Variants in AKAP8 observed in about 807,000 individuals in gnomAD.
AKAP8 encodes A-kinase anchoring protein 8.
AKAP8 carries 24 observed loss-of-function variants against 67.5 expected under a neutral mutation model. The observed-to-expected ratio is 0.36, with a 90% CI of 0.26 to 0.50. AKAP8 has a LOEUF of 0.50. Ranked by LOEUF, AKAP8 falls within the 20% of genes least tolerant of loss-of-function variation. The pLI is 0.97. For missense variants in AKAP8, 971 were observed against 955.9 expected, an observed-to-expected ratio of 1.02 and a Z score of -0.21; for synonymous variants, 400 against 371.1, an observed-to-expected ratio of 1.08 and a Z score of -0.90.
chr19:15,361,729 C>G lies in AKAP8; in HGVS notation c.1396G>C (p.Gly466Arg). The G allele has an allele frequency of 6.2e-7, 1 of 1,610,814 alleles. No homozygotes were observed. Among genetic ancestry groups the G allele is most frequent in the Non-Finnish European group, 8.5e-7 (1 of 1,176,938 alleles). The change falls in exon 11 of 14, where the codon GGG becomes CGG. Residue 466 changes from glycine (G) to arginine (R), a missense_variant and splice_region_variant. Physicochemically the swap from Gly to Arg is moderately radical, Grantham distance 125 (BLOSUM62 -2). Around this residue, in one of 3 missense-constraint regions of AKAP8, gnomAD observed 763 missense variants for 745.4 expected, o/e 1.02. Coordinates refer to ENST00000269701, the MANE Select transcript of AKAP8 (RefSeq NM_005858.4). ...TAKPKPDPFKGIGQEHFFKKI... is the reference protein window; with the variant it reads ...TAKPKPDPFKRIGQEHFFKKI... ...CACTCATCCTGGGATGACAACTCAC[C>G]TTTGAAAGGATCTGGTTTTGGTTTT...
chr19:15,368,880 G>A (rs1023822843), intron 8 of AKAP8: 2 of 985,166 alleles, frequency 2.0e-6, no homozygotes, highest in Admixed American at 6.2e-5. Flanking sequence ...TCAATCTAGG[G>A]CTTTCCCAGG....
Position 15,354,931 on chromosome 19 carries a change from G to C in AKAP8, c.2063C>G (p.Ala688Gly), listed in dbSNP as rs758673111. The change falls in exon 14 of 14, where the codon GCT becomes GGT. Residue 688 changes from alanine (A) to glycine (G), a missense_variant. By Grantham distance (60) the Ala-to-Gly change is moderately conservative. Transcript: ENST00000269701. ...VEQTDAESKD[A>G]VPTE Reference sequence around the variant, plus strand: ...AAATGAGCATCATTCTGTGGGAACAGCGTCTTTAGACTCTGCATCAGTTTG... The same window carrying C: ...AAATGAGCATCATTCTGTGGGAACACCGTCTTTAGACTCTGCATCAGTTTG... 1.2e-6 allele frequency: 2 copies of C among 1,613,856 alleles called. No individual in the cohort carries two copies. Among genetic ancestry groups the C allele is most frequent in the South Asian group, 2.2e-5 (2 of 91,088 alleles).
At chr19:15,365,178 A>G (rs1307786109) in intron 9 of AKAP8, among the ~76,000 whole-genome samples, 6 of 152,188 alleles carry the variant, frequency 3.9e-5, no homozygotes, top group Admixed American at 6.6e-5. Flanking sequence ...CTAGCTTCAC[A>G]GCTTCTCAGA....
At chr19:15,361,068 A>C in intron 11 of AKAP8, 90 bp from the exon 12 acceptor site, 1 of 1,497,258 alleles carries the variant, frequency 6.7e-7, no homozygotes, top group Non-Finnish European at 9.0e-7. Flanking sequence ...TCTCCCTGCA[A>C]CTCTAAGGAA....
chr19:15,368,294 C>T lies in AKAP8; in HGVS notation c.1101G>A (p.Val367=), dbSNP rs753952431. 17 of 1,613,668 alleles carry T rather than the reference C, an allele frequency of 1.1e-5. No individual in the cohort carries two copies. The Admixed American group carries it at 1.2e-4, about 11-fold the overall frequency. ...RGEKEDEDED[V]KKRREKQRRR... is the part of the protein sequence containing the mutation. ...TCCTTTGCTTTTCCCTTCTCTTCTT[C>T]ACATCCTCGTCCTCGTCCTCCTTCT... The change falls in exon 9 of 14, where the codon GTG becomes GTA. Residue 367 remains valine (V), a synonymous_variant. Transcript: ENST00000269701.
In AKAP8 at chr19:15,355,048, G is replaced by C. The variant is rs1214709424; in HGVS notation, c.1946C>G (p.Ala649Gly). Residue 649 changes from alanine to glycine, a missense_variant, in exon 14 of 14, where the codon GCT becomes GGT. Physicochemically the swap from Ala to Gly is moderately conservative, Grantham distance 60 (BLOSUM62 0). Around this residue, in one of 3 missense-constraint regions of AKAP8, gnomAD observed 204 missense variants for 193.0 expected, o/e 1.06. Transcript: ENST00000269701. ...TGCCATTGTCTCGGCGCCATTTCCA[G>C]CCTCTGCAGCCTCACTTCTGGCCTT... ...VPKARSEAAE[A>G]GNGAETMAAE... The C allele has an allele frequency of 1.9e-6, 3 of 1,614,098 alleles. No individual in the cohort carries two copies. In the South Asian group the frequency reaches 3.3e-5, roughly 18 times the overall value.
At chr19:15,373,398 C>T (rs1967196987) in intron 4 of AKAP8, 58 bp from the exon 5 acceptor site, 2 of 1,538,176 alleles carry the variant, frequency 1.3e-6, no homozygotes, top group Non-Finnish European at 1.7e-6. Context: ...CTGCCACACT[C>T]CCTCAGTATA....
intron 1 of AKAP8, among the ~76,000 whole-genome samples, chr19:15,378,675 C>A (rs186163634): frequency 3.7e-4 from 57 of 152,310 alleles, no homozygotes; most frequent in African/African-American, 1.3e-3. Flanking sequence ...TTTTGCCCTG[C>A]CACTTCTCAA....
Position 15,354,644 on chromosome 19 carries a change from A to G in AKAP8, c.*271T>C, listed in dbSNP as rs534316385. 155 of 484,300 alleles carry G rather than the reference A, an allele frequency of 3.2e-4. 1 individual carries two copies. Among genetic ancestry groups the G allele is most frequent in the African/African-American group, 2.7e-3 (142 of 52,450 alleles). The allele number at this position is 484,300 out of a possible 1,614,324, so 30.0% of individuals were successfully genotyped here. ...TGTATCATCAAGATATAATCACCCA[A>G]CCTTTATTATTCCAAGTGCACTACT... On this transcript the variant is annotated 3_prime_UTR_variant, in exon 14 of 14. Transcript: ENST00000269701.
At chr19:15,370,429 A>T (rs965223563) in intron 7 of AKAP8, among the ~76,000 whole-genome samples, 1 of 150,708 alleles carries the variant, frequency 6.6e-6, no homozygotes, top group African/African-American at 2.4e-5. Flanking sequence ...CCATTCACCC[A>T]CCCTCTCTCG....
intron 1 of AKAP8, among the ~76,000 whole-genome samples, chr19:15,378,031 T>C (rs376706729): frequency 1.3e-5 from 2 of 152,062 alleles, no homozygotes; most frequent in African/African-American, 4.8e-5. Context: ...CATATCCATG[T>C]CTCCCTCACC....
In AKAP8 at chr19:15,373,052, C is replaced by T. The variant is rs568239312; in HGVS notation, c.660G>A (p.Leu220=). The T allele has an allele frequency of 5.6e-4, 895 of 1,604,138 alleles. 9 individuals are homozygous for T. The South Asian group carries it at 9.4e-3, about 17-fold the overall frequency. The change falls in exon 5 of 14, where the codon CTG becomes CTA. Residue 220 remains leucine (L), a synonymous_variant. Transcript: ENST00000269701. ...AGTTCAGCTCGTTCCAGGGCGTGGA[C>T]AGGGGCTCAGAGGACGCAGCGGGGG... is the stretch of plus-strand genomic sequence containing the variant. ...FVPPAASSEP[L]STPWNELNYV... is the part of the protein sequence containing the mutation.
At position 15,360,994 on chromosome 19, in the gene AKAP8, T is replaced by C. The variant is rs374857589; in HGVS notation, c.1397-16A>G. On this transcript the variant is annotated splice_polypyrimidine_tract_variant and intron_variant, in intron 11 of 13. Transcript: ENST00000269701. ...TGGCCAATCCCTGCCAGGAAACGCATGTCTTGTAGGATCTGGGACAGCAAG... is the reference window on the plus strand; with the variant it reads ...TGGCCAATCCCTGCCAGGAAACGCACGTCTTGTAGGATCTGGGACAGCAAG... 3 of 1,611,024 alleles carry C rather than the reference T, an allele frequency of 1.9e-6. No individual in the cohort carries two copies. Among genetic ancestry groups the C allele is most frequent in the Non-Finnish European group, 1.7e-6 (2 of 1,179,018 alleles).
chr19:15,370,832 A>G (rs1967144304), intron 7 of AKAP8, among the ~76,000 whole-genome samples: 1 of 151,784 alleles, frequency 6.6e-6, no homozygotes, highest in Admixed American at 6.6e-5. Context: ...GGGTTTCACC[A>G]TATTGGCCAG....
chr19:15,368,391 C>T (rs957864551), intron 8 of AKAP8, 69 bp from the exon 9 acceptor site: 64 of 1,605,928 alleles, frequency 4.0e-5, no homozygotes, highest in African/African-American at 9.3e-5. Context: ...AGGGCCTGGT[C>T]GGGGGGCTGC....
chr19:15,373,157 G>A lies in AKAP8; in HGVS notation c.555C>T (p.Gly185=), dbSNP rs1967191799. Residue 185 remains glycine (G), a synonymous_variant, in exon 5 of 14, where the codon GGC becomes GGT. Coordinates refer to ENST00000269701, the MANE Select transcript of AKAP8 (RefSeq NM_005858.4). ...GGCCCTGGCCCCGGCCCCGCATGAA[G>A]CCATCAAGGGAGCCCCGCTCCCGGG... ...DPARERGSLD[G]FMRGRGQGRF... 4.3e-6 allele frequency: 7 copies of A among 1,613,424 alleles called. No individual in the cohort carries two copies. The highest frequency in any genetic ancestry group is 5.9e-6 in the Non-Finnish European group (7 of 1,179,986).
At chr19:15,359,375 CTCTT>C (rs1448848486) in intron 12 of AKAP8, among the ~76,000 whole-genome samples, 3 of 152,192 alleles carry the variant, frequency 2.0e-5, no homozygotes, top group African/African-American at 7.2e-5. Flanking sequence ...AAAGGACAAG[CTCTT>C]TCTTTTCAGT....
chr19:15,367,968 A>G (rs1474290313), intron 9 of AKAP8, among the ~76,000 whole-genome samples: 1 of 152,248 alleles, frequency 6.6e-6, no homozygotes, highest in Non-Finnish European at 1.5e-5. Flanking sequence ...ACAGGAGTCA[A>G]ACACCAATCC....
intron 9 of AKAP8, among the ~76,000 whole-genome samples, chr19:15,362,843 T>C (rs1966994733): frequency 6.7e-6 from 1 of 150,348 alleles, no homozygotes; most frequent in Non-Finnish European, 1.5e-5. Flanking sequence ...GAGGAGCCCC[T>C]CTGCCTGGCT....
Sources: allele counts gnomAD v4.1 joint callset (sites outside exome capture counted in the v4.1 genomes callset), GRCh38; gene constraint gnomAD v4.1.1; regional missense constraint gnomAD v4.1.1; transcripts MANE v1.5; gene names NCBI Gene and HGNC (gene_info 2026-07-23, HGNC 2026-07-21).